GAS2: variants seen among roughly 807,000 people sequenced by gnomAD.
GAS2 encodes growth arrest specific 2, also known as growth arrest-specific protein 2.
In GAS2, 20 loss-of-function variants were observed where a neutral mutation model predicts 37.5. The observed-to-expected ratio is 0.53, with a 90% CI of 0.37 to 0.77. The LOEUF is 0.77. GAS2 is among the 30% of genes least tolerant of loss of function. GAS2 has a pLI of 0.00. For synonymous variants in GAS2, 144 were observed against 132.2 expected, an observed-to-expected ratio of 1.09 and a Z score of -0.61; for missense variants, 336 against 373.4, an observed-to-expected ratio of 0.90 and a Z score of 0.82.
intron 1 of GAS2, among the ~76,000 whole-genome samples, chr11:22,647,058 G>A (rs1278041575): frequency 4.7e-5 from 7 of 150,444 alleles, no homozygotes; most frequent in African/African-American, 1.7e-4. Context: ...ATCTCCCAAT[G>A]CTATCCTTCC....
intron 7 of GAS2, among the ~76,000 whole-genome samples, chr11:22,806,616 A>T (rs1856902597): frequency 6.6e-6 from 1 of 152,158 alleles, no homozygotes; most frequent in Non-Finnish European, 1.5e-5. Flanking sequence ...AACACTTGTT[A>T]TCTTTTGTAT....
At chr11:22,662,970 C>T (rs1423742904), upstream of GAS2, among the ~76,000 whole-genome samples, 1 of 152,106 alleles carries the variant, frequency 6.6e-6, no homozygotes, top group Admixed American at 6.5e-5. Flanking sequence ...CTACCTGAGA[C>T]TGGGTCATTT....
intron 3 of GAS2, among the ~76,000 whole-genome samples, chr11:22,689,832 A>G (rs1019248261): frequency 6.6e-6 from 1 of 152,150 alleles, no homozygotes; most frequent in Non-Finnish European, 1.5e-5. Context: ...GTGTACACTC[A>G]TGTGTTCATG....
chr11:22,756,254 A>G (rs935468175), intron 7 of GAS2, among the ~76,000 whole-genome samples: 2 of 152,026 alleles, frequency 1.3e-5, no homozygotes, highest in Non-Finnish European at 2.9e-5. Context: ...TAATCTCTCA[A>G]AGTAAGTTTG....
At chr11:22,773,420 G>A (rs1260478609) in intron 7 of GAS2, among the ~76,000 whole-genome samples, 2 of 118,094 alleles carry the variant, frequency 1.7e-5, no homozygotes, top group Non-Finnish European at 3.2e-5. Flanking sequence ...TTGAGACAGA[G>A]TCTCGCTCTG....
At chr11:22,645,249 C>T (rs985367474) in intron 1 of GAS2, among the ~76,000 whole-genome samples, 2 of 152,032 alleles carry the variant, frequency 1.3e-5, no homozygotes, top group African/African-American at 4.8e-5. Context: ...GTGGCTCACT[C>T]CTGTAATCCC....
chr11:22,726,336 G>A lies in GAS2; in HGVS notation c.312G>A (p.Ser104=), dbSNP rs201723000. The part of the protein sequence containing the change: ...KKIPCKTSAP[S]GSFFARDNTA... ...TCCCATGCAAAACCAGTGCACCCTC[G>A]GGCTCCTTTTTTGCCAGAGACAATA... The change falls in exon 4 of 8, where the codon TCG becomes TCA. Residue 104 remains serine, a synonymous_variant. Coordinates refer to ENST00000454584, the MANE Select transcript of GAS2 (RefSeq NM_001143830.3). The A allele has an allele frequency of 8.1e-5, 131 of 1,612,348 alleles. No individual in the cohort carries two copies. In the Admixed American group the frequency reaches 1.4e-3, roughly 17 times the overall value.
At chr11:22,789,049 A>C (rs980455235) in intron 7 of GAS2, among the ~76,000 whole-genome samples, 1 of 151,530 alleles carries the variant, frequency 6.6e-6, no homozygotes, top group Non-Finnish European at 1.5e-5. Context: ...TGATTTACCT[A>C]TAATTTCCCA....
chr11:22,793,237 G>A (rs917650728), intron 7 of GAS2, among the ~76,000 whole-genome samples: 3 of 152,022 alleles, frequency 2.0e-5, no homozygotes, highest in Admixed American at 1.3e-4. Context: ...TCGTGCCACT[G>A]CACTCCAGCC....
At chr11:22,807,910 C>G (rs903178182) in intron 7 of GAS2, among the ~76,000 whole-genome samples, 1 of 152,120 alleles carries the variant, frequency 6.6e-6, no homozygotes, top group African/African-American at 2.4e-5. Flanking sequence ...TGGTAAGTTT[C>G]AGTTGCTTGA....
chr11:22,735,227 T>TTTA (rs1450682685), intron 4 of GAS2, among the ~76,000 whole-genome samples: 1 of 148,372 alleles, frequency 6.7e-6, no homozygotes, highest in Non-Finnish European at 1.5e-5. Flanking sequence ...AATCATTCTT[T>TTTA]TTTTTTTTTT....
At chr11:22,709,682 A>C (rs1851300332) in intron 3 of GAS2, among the ~76,000 whole-genome samples, 1 of 152,150 alleles carries the variant, frequency 6.6e-6, no homozygotes, top group Non-Finnish European at 1.5e-5. Flanking sequence ...AAGGACTATA[A>C]ATCATGCTGC....
intron 3 of GAS2, among the ~76,000 whole-genome samples, chr11:22,697,027 G>A (rs1182986876): frequency 6.6e-6 from 1 of 151,756 alleles, no homozygotes; most frequent in Non-Finnish European, 1.5e-5. Context: ...CCATGCCTAT[G>A]TCCTGAATGG....
intron 7 of GAS2, among the ~76,000 whole-genome samples, chr11:22,797,124 T>C (rs916726334): frequency 6.6e-6 from 1 of 152,060 alleles, no homozygotes; most frequent in Non-Finnish European, 1.5e-5. Flanking sequence ...TTAATTTCAT[T>C]TGGTGCAGGG....
intron 1 of GAS2, among the ~76,000 whole-genome samples, chr11:22,645,587 T>C (rs1848679176): frequency 1.3e-5 from 2 of 151,950 alleles, no homozygotes; most frequent in South Asian, 4.1e-4. Flanking sequence ...TAGTGGGAAA[T>C]ATTGAGAAAA....
intron 7 of GAS2, among the ~76,000 whole-genome samples, chr11:22,786,646 A>G (rs1483211148): frequency 2.0e-5 from 3 of 152,142 alleles, no homozygotes; most frequent in Non-Finnish European, 4.4e-5. Context: ...ACTTCTATGA[A>G]TGTTGGCCTT....
intron 5 of GAS2, among the ~76,000 whole-genome samples, chr11:22,745,807 AC>A (rs1347492219): frequency 1.3e-5 from 2 of 152,178 alleles, no homozygotes; most frequent in Admixed American, 6.5e-5. Flanking sequence ...ACTTAAAAAA[AC>A]ATACAAGTGG....
chr11:22,755,852 C>G lies in GAS2; in HGVS notation c.622C>G (p.Arg208Gly), dbSNP rs759705654. Residue 208 changes from arginine (R) to glycine (G), a missense_variant, in exon 7 of 8, where the codon CGA becomes GGA. Arg to Gly is a moderately radical substitution (Grantham distance 125). Transcript: ENST00000454584. ...TGNLLDDAVK[R>G]ISEDPPCKCP... ...GCCTGCTCTTCTATTTCAGGTGAAACGAATTTCTGAAGATCCTCCTTGCAA... is the reference window on the plus strand; with the variant it reads ...GCCTGCTCTTCTATTTCAGGTGAAAGGAATTTCTGAAGATCCTCCTTGCAA... 2 of 1,611,920 alleles carry G rather than the reference C, an allele frequency of 1.2e-6. No individual in the cohort carries two copies. Among genetic ancestry groups the G allele is most frequent in the Non-Finnish European group, 1.7e-6 (2 of 1,178,458 alleles).
intron 3 of GAS2, 117 bp downstream of exon 3, chr11:22,685,906 C>A: frequency 1.2e-6 from 1 of 869,362 alleles, no homozygotes. Context: ...TCTATACTAA[C>A]AACAAAGTAC....
Sources: allele counts gnomAD v4.1 joint callset (sites outside exome capture counted in the v4.1 genomes callset), GRCh38; gene constraint gnomAD v4.1.1; transcripts MANE v1.5; gene names NCBI Gene and HGNC (gene_info 2026-07-23, HGNC 2026-07-21).